The following PLCB4 variants were observed in gnomAD, a reference collection of about 807,000 sequenced individuals.
PLCB4 encodes the protein phospholipase C beta 4.
In PLCB4, 77 loss-of-function variants were observed where a neutral mutation model predicts 178.8. The observed-to-expected ratio is 0.43, with a 90% CI of 0.36 to 0.52. The LOEUF (loss-of-function observed/expected upper bound fraction) is 0.52, where lower values mean the gene tolerates loss of function less well. Ranked by LOEUF, PLCB4 falls within the 20% of genes least tolerant of loss-of-function variation. PLCB4 has a pLI of 0.00. For missense variants in PLCB4, 1,024 were observed against 1,453.4 expected, an observed-to-expected ratio of 0.70 and a Z score of 4.80; for synonymous variants, 496 against 490.8, an observed-to-expected ratio of 1.01 and a Z score of -0.14.
Position 9,117,864 on chromosome 20 carries a change from G to A in PLCB4, c.-79+21522G>A, listed in dbSNP as rs541412323. On this transcript the variant is annotated intron_variant, in intron 2 of 39. Coordinates refer to ENST00000378473, the MANE Select transcript of PLCB4 (RefSeq NM_001377142.1). ...TGTCACTTCCCTAGAACAGACTTCC[G>A]TGGCTTCCCTTTCTAAAATAACCCT... is the stretch of plus-strand genomic sequence containing the variant. Among the ~76,000 whole-genome samples, 9 of 152,178 alleles carry A rather than the reference G, an allele frequency of 5.9e-5. No homozygotes were observed. In the East Asian group the frequency reaches 9.7e-4, roughly 16 times the overall value.
intron 4 of PLCB4, among the ~76,000 whole-genome samples, chr20:9,322,577 A>C (rs2094974007): frequency 6.6e-6 from 1 of 152,214 alleles, no homozygotes; most frequent in Admixed American, 6.5e-5. Flanking sequence ...CGCTGAGGAC[A>C]GCATGCTGGC....
At chr20:9,421,137 G>A (rs534452701) in intron 26 of PLCB4, among the ~76,000 whole-genome samples, 160 bp from the exon 27 acceptor site, 2 of 152,050 alleles carry the variant, frequency 1.3e-5, no homozygotes, top group South Asian at 2.1e-4. Context: ...GTAGTTGTTC[G>A]ATAATGTTTT....
intron 4 of PLCB4, among the ~76,000 whole-genome samples, chr20:9,311,154 A>G (rs569999477): frequency 1.3e-5 from 2 of 152,248 alleles, no homozygotes; most frequent in East Asian, 3.9e-4. Context: ...CACATCAAAG[A>G]TCTGAAGAAC....
chr20:9,244,534 TG>T (rs1555887656), intron 3 of PLCB4, among the ~76,000 whole-genome samples: 1 of 152,174 alleles, frequency 6.6e-6, no homozygotes, highest in Non-Finnish European at 1.5e-5. Flanking sequence ...AAGGTAATAT[TG>T]GCCCCATACA....
At chr20:9,379,571 T>C (rs2036963475) in intron 12 of PLCB4, among the ~76,000 whole-genome samples, 1 of 152,164 alleles carries the variant, frequency 6.6e-6, no homozygotes, top group Non-Finnish European at 1.5e-5. Flanking sequence ...GAAAAAGAGA[T>C]GATGTTTGCC....
At chr20:9,450,517 T>C (rs1016618845) in intron 32 of PLCB4, among the ~76,000 whole-genome samples, 1 of 152,198 alleles carries the variant, frequency 6.6e-6, no homozygotes, top group Non-Finnish European at 1.5e-5. Flanking sequence ...GTTACTGACA[T>C]TAATTATAGT....
chr20:9,281,274 T>C (rs912369336), intron 3 of PLCB4, among the ~76,000 whole-genome samples: 2 of 152,056 alleles, frequency 1.3e-5, no homozygotes, highest in African/African-American at 4.8e-5. Flanking sequence ...ATAAAGTCTC[T>C]ATACAGATTC....
intron 3 of PLCB4, among the ~76,000 whole-genome samples, chr20:9,266,185 A>T (rs2094347198): frequency 6.6e-6 from 1 of 152,172 alleles, no homozygotes; most frequent in African/African-American, 2.4e-5. Context: ...ATGGGTCAAC[A>T]TTGCTATCTC....
chr20:9,128,164 A>G (rs1600599900), intron 2 of PLCB4, among the ~76,000 whole-genome samples: 1 of 152,054 alleles, frequency 6.6e-6, no homozygotes, highest in East Asian at 1.9e-4. Context: ...AGTAGTTTAC[A>G]TGAGATCCGG....
At chr20:9,407,422 T>A (rs1454748374) in intron 21 of PLCB4, among the ~76,000 whole-genome samples, 2 of 150,510 alleles carry the variant, frequency 1.3e-5, no homozygotes, top group Non-Finnish European at 2.9e-5. Flanking sequence ...TGGTCTGGAG[T>A]GCAGTGGCAC....
At chr20:9,187,737 T>G (rs1428389686) in intron 2 of PLCB4, among the ~76,000 whole-genome samples, 2 of 152,212 alleles carry the variant, frequency 1.3e-5, no homozygotes, top group Non-Finnish European at 2.9e-5. Flanking sequence ...AAACTAAGTT[T>G]TAGTTGGAAA....
intron 32 of PLCB4, among the ~76,000 whole-genome samples, chr20:9,446,857 G>A (rs1056456401): frequency 2.0e-4 from 30 of 152,256 alleles, no homozygotes; most frequent in Non-Finnish European, 3.5e-4. Flanking sequence ...CTCCAGCCTG[G>A]GTGACAAGAG....
In PLCB4 at chr20:9,387,641, T is replaced by C. The variant is rs143608654; in HGVS notation, c.1158+85T>C. 2,923 of 632,222 alleles carry C rather than the reference T, an allele frequency of 4.6e-3. 38 individuals are homozygous for C. Among genetic ancestry groups the C allele is most frequent in the East Asian group, 0.035 (1,270 of 36,572 alleles). The allele number at this position is 632,222 out of a possible 1,614,324, so 39.2% of individuals were successfully genotyped here. On this transcript the variant is annotated intron_variant, in intron 15 of 39. Coordinates refer to ENST00000378473, the MANE Select transcript of PLCB4 (RefSeq NM_001377142.1). Reference sequence around the variant, plus strand: ...GAGATGGAGAAGAGAAAACAAATGATTCATTTTCTCAAGCATTATGCCTTC... The same window carrying C: ...GAGATGGAGAAGAGAAAACAAATGACTCATTTTCTCAAGCATTATGCCTTC...
chr20:9,193,818 G>T (rs540843907), intron 2 of PLCB4, among the ~76,000 whole-genome samples: 4 of 152,096 alleles, frequency 2.6e-5, no homozygotes, highest in South Asian at 2.1e-4. Flanking sequence ...GAGAGTATTT[G>T]GCTATTTGGT....
intron 28 of PLCB4, among the ~76,000 whole-genome samples, chr20:9,433,471 G>A (rs2036675394): frequency 6.6e-6 from 1 of 152,120 alleles, no homozygotes; most frequent in African/African-American, 2.4e-5. Flanking sequence ...GCATTGGGAT[G>A]GTTGGCTCCA....
intron 2 of PLCB4, among the ~76,000 whole-genome samples, chr20:9,123,428 T>TC (rs1009214614): frequency 2.6e-5 from 4 of 151,570 alleles, no homozygotes; most frequent in East Asian, 1.9e-4. Flanking sequence ...CTCTTTTTTT[T>TC]TTTTTATATA....
intron 7 of PLCB4, among the ~76,000 whole-genome samples, chr20:9,362,140 G>A (rs945962913): frequency 3.9e-5 from 6 of 152,198 alleles, no homozygotes; most frequent in African/African-American, 9.7e-5. Context: ...GTGTTTTGCC[G>A]AGGGTATGAT....
chr20:9,233,164 A>G (rs1206025003), intron 3 of PLCB4, among the ~76,000 whole-genome samples: 2 of 152,152 alleles, frequency 1.3e-5, no homozygotes, highest in Non-Finnish European at 2.9e-5. Context: ...TAATCCAAAA[A>G]TGAGTTTCAG....
At chr20:9,254,452 C>T (rs1345010531) in intron 3 of PLCB4, among the ~76,000 whole-genome samples, 2 of 152,112 alleles carry the variant, frequency 1.3e-5, no homozygotes, top group African/African-American at 4.8e-5. Context: ...CCCAGCACTT[C>T]GGGAGGCCAA....
Sources: allele counts gnomAD v4.1 joint callset (sites outside exome capture counted in the v4.1 genomes callset), GRCh38; gene constraint gnomAD v4.1.1; transcripts MANE v1.5; gene names NCBI Gene and HGNC (gene_info 2026-07-23, HGNC 2026-07-21).